The following SLFN14 variants were observed in gnomAD, a reference collection of about 807,000 sequenced individuals.
SLFN14 encodes schlafen family member 14.
SLFN14 carries 47 observed loss-of-function variants against 58.6 expected under a neutral mutation model. That is an observed-to-expected ratio of 0.80 (90% CI 0.64 to 1.02). The LOEUF is 1.02. Ranked by LOEUF, SLFN14 falls within the 50% of genes least tolerant of loss-of-function variation. SLFN14 has a pLI of 0.00. For synonymous variants in SLFN14, 390 were observed against 387.3 expected, an observed-to-expected ratio of 1.01 and a Z score of -0.08; for missense variants, 967 against 1,078.4, an observed-to-expected ratio of 0.90 and a Z score of 1.45.
chr17:35,551,954 C>T (rs574394630), intron 5 of SLFN14, among the ~76,000 whole-genome samples: 103 of 152,354 alleles, frequency 6.8e-4, no homozygotes, highest in African/African-American at 2.3e-3. Context: ...GACCCTGTAT[C>T]TTTAACCTCC....
chr17:35,552,129 TA>T (rs1212200034), intron 5 of SLFN14, among the ~76,000 whole-genome samples: 2 of 152,208 alleles, frequency 1.3e-5, no homozygotes, highest in African/African-American at 4.8e-5. Context: ...GCTCCAATGT[TA>T]ATGACATCAA....
At chr17:35,558,354 C>G (rs1340563988) in intron 2 of SLFN14, among the ~76,000 whole-genome samples, 1 of 152,102 alleles carries the variant, frequency 6.6e-6, no homozygotes, top group Non-Finnish European at 1.5e-5. Context: ...CAACCTCAAC[C>G]TCCCAGTTCA....
rs321608 is a variant in SLFN14, at chr17:35,553,617, A to G, written c.1190-173T>C. On this transcript the variant is annotated intron_variant, in intron 4 of 5. Coordinates refer to ENST00000674182, the MANE Select transcript of SLFN14 (RefSeq NM_001129820.2). ...TACTCCCCAACTCTCCCCCATCCCC[A>G]CGGACATTTGGCAATGTCTGGAAAA... is the stretch of plus-strand genomic sequence containing the variant. 0.53 allele frequency: 317,251 copies of G among 602,326 alleles called. 84,318 individuals are homozygous for G. Among genetic ancestry groups the G allele is most frequent in the Admixed American group, 0.55 (16,560 of 30,374 alleles). 37.3% of individuals were successfully genotyped at this position (602,326 alleles called of 1,614,324 possible). A position where few individuals can be genotyped will look rare whatever the true frequency, so the allele number is the denominator to read the frequency against.
Position 35,548,061 on chromosome 17 carries a change from A to T in SLFN14, c.*178T>A. The T allele has an allele frequency of 1.6e-6, 1 of 636,510 alleles. No homozygotes were observed. The highest frequency in any genetic ancestry group is 2.9e-5 in the Admixed American group (1 of 33,908). 39.4% of individuals were successfully genotyped at this position (636,510 alleles called of 1,614,324 possible). A position where few individuals can be genotyped will look rare whatever the true frequency, so the allele number is the denominator to read the frequency against. On this transcript the variant is annotated 3_prime_UTR_variant, in exon 6 of 6. Transcript: ENST00000674182. Reference sequence around the variant, plus strand: ...GGTAGGAGGTGAAGGAAATTGTGAAAAGGCCAGTGGCATTGAAATAGAGTG... The same window carrying T: ...GGTAGGAGGTGAAGGAAATTGTGAATAGGCCAGTGGCATTGAAATAGAGTG...
rs1244349619 is a variant in SLFN14 at position 35,545,372 on chromosome 17, C to T, written c.*2867G>A. On this transcript the variant is annotated 3_prime_UTR_variant, in exon 6 of 6. Coordinates refer to ENST00000674182, the MANE Select transcript of SLFN14 (RefSeq NM_001129820.2). ...AATAAGGATGTGTAAGTGACTCATCCTCTTACTCTCAAGGAGCTCACAGTC... is the reference window on the plus strand; with the variant it reads ...AATAAGGATGTGTAAGTGACTCATCTTCTTACTCTCAAGGAGCTCACAGTC... Among the ~76,000 whole-genome samples, 2 of 152,180 alleles carry T rather than the reference C, an allele frequency of 1.3e-5. No individual in the cohort carries two copies. The highest frequency in any genetic ancestry group is 2.9e-5 in the Non-Finnish European group (2 of 68,034).
intron 4 of SLFN14, 68 bp downstream of exon 4, chr17:35,554,508 C>A: frequency 7.1e-7 from 1 of 1,409,606 alleles, no homozygotes; most frequent in South Asian, 1.6e-5. Context: ...GAACTCATTA[C>A]TACTAACACC....
Position 35,552,663 on chromosome 17 carries a change from C to CATATATATACACAT in SLFN14, c.1904+53_1904+66dup, listed in dbSNP as rs1471595818. 3,060 of 569,588 alleles carry CATATATATACACAT rather than the reference C, an allele frequency of 5.4e-3. 292 individuals are homozygous for CATATATATACACAT. The highest frequency in any genetic ancestry group is 0.013 in the South Asian group (412 of 31,104). The allele number at this position is 569,588 out of a possible 1,614,324, so 35.3% of individuals were successfully genotyped here. A position where few individuals can be genotyped will look rare whatever the true frequency, so the allele number is the denominator to read the frequency against. ...ATATATATATACACATATATATACA[C>CATATATATACACAT]ATATATATACACATATATATATACA... On this transcript the variant is annotated intron_variant, in intron 5 of 5. Transcript: ENST00000674182.
At chr17:35,554,545 A>G in intron 4 of SLFN14, 31 bp downstream of exon 4, 12 of 1,499,284 alleles carry the variant, frequency 8.0e-6, no homozygotes, top group Non-Finnish European at 1.1e-5. Context: ...GAAAACAAAT[A>G]GTCCCCTAAG....
rs1046071872 is a variant in SLFN14, at chr17:35,548,007, G to A, written c.*232C>T. On this transcript the variant is annotated 3_prime_UTR_variant, in exon 6 of 6. Coordinates refer to ENST00000674182, the MANE Select transcript of SLFN14 (RefSeq NM_001129820.2). Reference sequence around the variant, plus strand: ...ATTGAGTGGGAAAGCTGGAGACAGGGGACTAATGAAGTCTATTGTAATTGT... The same window carrying A: ...ATTGAGTGGGAAAGCTGGAGACAGGAGACTAATGAAGTCTATTGTAATTGT... 7.5e-6 allele frequency: 4 copies of A among 535,098 alleles called. No homozygotes were observed. Among genetic ancestry groups the A allele is most frequent in the Admixed American group, 6.4e-5 (2 of 31,366 alleles). The allele number at this position is 535,098 out of a possible 1,614,324, so 33.1% of individuals were successfully genotyped here.
intron 5 of SLFN14, among the ~76,000 whole-genome samples, chr17:35,549,760 A>G (rs543525194): frequency 6.6e-6 from 1 of 152,326 alleles, no homozygotes; most frequent in South Asian, 2.1e-4. Flanking sequence ...TCATCCCTAC[A>G]GATTCCATGA....
At position 35,550,311 on chromosome 17, in the gene SLFN14, G is replaced by A. The variant is rs190242009; in HGVS notation, c.1905-1238C>T. On this transcript the variant is annotated intron_variant, in intron 5 of 5. Coordinates refer to ENST00000674182, the MANE Select transcript of SLFN14 (RefSeq NM_001129820.2). ...CTGTAATCCCAGCACTTTGCGAGAAGGAGGTGGGCGGATCACCTGAGGTCA... is the reference window on the plus strand; with the variant it reads ...CTGTAATCCCAGCACTTTGCGAGAAAGAGGTGGGCGGATCACCTGAGGTCA... Among the ~76,000 whole-genome samples, 784 of 152,300 alleles carry A rather than the reference G, an allele frequency of 5.1e-3. 1 individual carries two copies. The highest frequency in any genetic ancestry group is 8.7e-3 in the Non-Finnish European group (594 of 68,028).
Position 35,546,547 on chromosome 17 carries a change from C to T in SLFN14, c.*1692G>A, listed in dbSNP as rs2072536166. Among the ~76,000 whole-genome samples, 1 of 152,154 alleles carries T rather than the reference C, an allele frequency of 6.6e-6. No homozygotes were observed. The highest frequency in any genetic ancestry group is 2.4e-5 in the African/African-American group (1 of 41,430). On this transcript the variant is annotated 3_prime_UTR_variant, in exon 6 of 6. Transcript: ENST00000674182. ...GGATTCAAGCCTCCCCAGAGTCAAT[C>T]AAGTTATCCTAAACTTTTCTAGAAG...
rs1161068251 is a variant in SLFN14, at chr17:35,557,345, C to T, written c.718G>A (p.Gly240Arg). 1 of 1,551,588 alleles carries T rather than the reference C, an allele frequency of 6.4e-7. No homozygotes were observed. Among genetic ancestry groups the T allele is most frequent in the Admixed American group, 2.0e-5 (1 of 50,982 alleles). Residue 240 changes from glycine (G) to arginine (R), a missense_variant, in exon 3 of 6, where the codon GGG (glycine) becomes AGG (arginine). Coordinates refer to ENST00000674182, the MANE Select transcript of SLFN14 (RefSeq NM_001129820.2). Reference sequence around the variant, plus strand: ...TCCACCCCAATGAGGACATATCCCCCTTGAGTGTTGGCAAATGCAGAAACA... The same window carrying T: ...TCCACCCCAATGAGGACATATCCCCTTTGAGTGTTGGCAAATGCAGAAACA... ...HYVSAFANTQ[G>R]GYVLIGVDDK...
Position 35,557,266 on chromosome 17 carries a change from A to G in SLFN14, c.797T>C (p.Leu266Ser). 1 of 1,551,654 alleles carries G rather than the reference A, an allele frequency of 6.4e-7. No homozygotes were observed. The highest frequency in any genetic ancestry group is 1.4e-5 in the African/African-American group (1 of 73,130). Residue 266 changes from leucine to serine, a missense_variant, in exon 3 of 6, where the codon TTA becomes TCA. Transcript: ENST00000674182. Reference sequence around the variant, plus strand: ...GCAGTTTTCGATTTCTTTTTTTAGTAAGTCAGGATTCACTTTTTCCCACTT... The same window carrying G: ...GCAGTTTTCGATTTCTTTTTTTAGTGAGTCAGGATTCACTTTTTCCCACTT... The part of the protein sequence containing the change: ...GCKWEKVNPD[L>S]LKKEIENCIE...
rs978008154 is a variant in SLFN14 at position 35,547,914 on chromosome 17, T to C, written c.*325A>G. 1.3e-5 allele frequency among the ~76,000 whole-genome samples: 2 copies of C among 152,300 alleles called. No homozygotes were observed. Among genetic ancestry groups the C allele is most frequent in the Middle Eastern group, 3.4e-3 (1 of 294 alleles). ...AGGCTGTGGGGACTCATTGAAGATA[T>C]GTTAGCAAGGTATTACATAAAATCA... On this transcript the variant is annotated 3_prime_UTR_variant, in exon 6 of 6. Transcript: ENST00000674182.
chr17:35,550,580 G>A (rs1487659480), intron 5 of SLFN14, among the ~76,000 whole-genome samples: 1 of 152,126 alleles, frequency 6.6e-6, no homozygotes, highest in African/African-American at 2.4e-5. Flanking sequence ...ATTAAAATGA[G>A]CATGTCTTTA....
At chr17:35,556,965 T>A (rs2073847215) in intron 3 of SLFN14, 38 bp downstream of exon 3, 1 of 1,501,742 alleles carries the variant, frequency 6.7e-7, no homozygotes. Context: ...AAGGGGTTCC[T>A]CCCTGCTGAT....
Position 35,549,049 on chromosome 17 carries a change from C to T in SLFN14, c.1929G>A (p.Val643=). The change falls in exon 6 of 6, where the codon GTG becomes GTA. Residue 643 remains valine (V), a synonymous_variant. Transcript: ENST00000674182. ...CCCCTTGCATGAAAGTTTTCCTGGT[C>T]ACAGCTTGGCAGGTGGTTTGTTGGC... ...FVTQQTTCQA[V]TRKTFMQGEF... The T allele has an allele frequency of 6.4e-7, 1 of 1,551,446 alleles. No individual in the cohort carries two copies. The highest frequency in any genetic ancestry group is 8.7e-7 in the Non-Finnish European group (1 of 1,146,906).
Position 35,553,287 on chromosome 17 carries a change from C to T in SLFN14, c.1347G>A (p.Arg449=). ...CATCACACAGGACATTCTGTTCTTTCCTGAAGCCAACATCACCAGCCCAGC... is the reference window on the plus strand; with the variant it reads ...CATCACACAGGACATTCTGTTCTTTTCTGAAGCCAACATCACCAGCCCAGC... ...SRSWAGDVGF[R]KEQNVLCDAL... The change falls in exon 5 of 6, where the codon AGG becomes AGA. Residue 449 remains arginine, a synonymous_variant. Coordinates refer to ENST00000674182, the MANE Select transcript of SLFN14 (RefSeq NM_001129820.2). 1 of 1,551,644 alleles carries T rather than the reference C, an allele frequency of 6.4e-7. No homozygotes were observed. Among genetic ancestry groups the T allele is most frequent in the Non-Finnish European group, 8.7e-7 (1 of 1,146,976 alleles).
Sources: allele counts gnomAD v4.1 joint callset (sites outside exome capture counted in the v4.1 genomes callset), GRCh38; gene constraint gnomAD v4.1.1; transcripts MANE v1.5; gene names NCBI Gene and HGNC (gene_info 2026-07-23, HGNC 2026-07-21).